The following PCDHGB2 variants were observed in gnomAD, a reference collection of about 807,000 sequenced individuals.
PCDHGB2 encodes the protein protocadherin gamma subfamily B, 2.
In PCDHGB2, 55 loss-of-function variants were observed where a neutral mutation model predicts 59.3. That is an observed-to-expected ratio of 0.93 (90% CI 0.75 to 1.16). The LOEUF is 1.16. Ranked by LOEUF, PCDHGB2 falls within the 50% of genes most tolerant of loss-of-function variation. PCDHGB2 has a pLI of 0.00. For missense variants in PCDHGB2, 1,228 were observed against 1,198.5 expected (o/e 1.02, Z -0.36); for synonymous variants, 516 against 512.0 (o/e 1.01, Z -0.11).
At chr5:141,424,700 T>C (rs1359856009) in intron 1 of PCDHGB2, 3 of 152,228 alleles carry the variant, frequency 2.0e-5, no homozygotes, top group African/African-American at 7.2e-5. Context: ...TATTTTTTTG[T>C]TCATTTTCAG....
chr5:141,490,726 AATCAGG>A lies in PCDHGB2; in HGVS notation c.2422-4080_2422-4075del. The A allele has an allele frequency of 6.2e-7, 1 of 1,614,202 alleles. No homozygotes were observed. The highest frequency in any genetic ancestry group is 8.5e-7 in the Non-Finnish European group (1 of 1,180,032). On this transcript the variant is annotated intron_variant, in intron 1 of 3. Transcript: ENST00000522605. This position sits in a 1 kb window ranked among gnomAD's most constrained non-coding sequence, Gnocchi z 5.4. Reference sequence around the variant, plus strand: ...CCGCCTCACCTACTCCATTGTAGGAAATCAGGTTCAGGGAGCCCCAGCCTCCTCCTT... The same window carrying A: ...CCGCCTCACCTACTCCATTGTAGGAATTCAGGGAGCCCCAGCCTCCTCCTT...
chr5:141,383,551 G>A lies in PCDHGB2; in HGVS notation c.2421+20995G>A, dbSNP rs772901140. 8 of 1,612,382 alleles carry A rather than the reference G, an allele frequency of 5.0e-6. No individual in the cohort carries two copies. Among genetic ancestry groups the A allele is most frequent in the Admixed American group, 3.3e-5 (2 of 59,816 alleles). On this transcript the variant is annotated intron_variant, in intron 1 of 3. Transcript: ENST00000522605. ...CCTGGTCCTCACAGCCTCTGATGGC[G>A]GCGACCCGCCCCGATCCAGCACCGC...
In PCDHGB2 at chr5:141,512,843, T is replaced by G. The variant is rs2099884463; in HGVS notation, c.*1670T>G. ...CCCTCCCCCGTACTGACTTCTCCTATAAGCGCTTCTCTTCGCATAGTCACG... is the reference window on the plus strand; with the variant it reads ...CCCTCCCCCGTACTGACTTCTCCTAGAAGCGCTTCTCTTCGCATAGTCACG... On this transcript the variant is annotated 3_prime_UTR_variant, in exon 4 of 4. Coordinates refer to ENST00000522605, the MANE Select transcript of PCDHGB2 (RefSeq NM_018923.3). 6.6e-6 allele frequency: 1 copy of G among 152,290 alleles called. No individual in the cohort carries two copies. The highest frequency in any genetic ancestry group is 1.5e-5 in the Non-Finnish European group (1 of 68,088). 9.4% of individuals were successfully genotyped at this position (152,290 alleles called of 1,614,324 possible).
At chr5:141,381,949 C>T (rs897929706) in intron 1 of PCDHGB2, among the ~76,000 whole-genome samples, 2 of 150,880 alleles carry the variant, frequency 1.3e-5, no homozygotes, top group Non-Finnish European at 2.9e-5. Context: ...CCTGCCTCAG[C>T]CTCCTGAGTA....
At chr5:141,396,955 C>T (rs1476582665) in intron 1 of PCDHGB2, among the ~76,000 whole-genome samples, 2 of 152,156 alleles carry the variant, frequency 1.3e-5, no homozygotes, top group Non-Finnish European at 2.9e-5. Context: ...AAAGAAAATC[C>T]TTACTCTCCC....
At chr5:141,409,756 C>T in intron 1 of PCDHGB2, 1 of 1,612,994 alleles carries the variant, frequency 6.2e-7, no homozygotes, top group Non-Finnish European at 8.5e-7. Flanking sequence ...TCGCGCAGCG[C>T]GCCTTTGATC....
intron 1 of PCDHGB2, among the ~76,000 whole-genome samples, chr5:141,380,915 G>A (rs1452983675): frequency 6.6e-6 from 1 of 152,180 alleles, no homozygotes. Context: ...TGCTTACATT[G>A]TTTAATAATC....
At chr5:141,452,411 A>G (rs965622061) in intron 1 of PCDHGB2, among the ~76,000 whole-genome samples, 8 of 152,200 alleles carry the variant, frequency 5.3e-5, no homozygotes, top group African/African-American at 1.9e-4. Context: ...GGTGTGAGGT[A>G]TGCTCACTGC....
intron 1 of PCDHGB2, chr5:141,423,074 G>T (rs2096705802): frequency 6.2e-7 from 1 of 1,614,006 alleles, no homozygotes; most frequent in African/African-American, 1.3e-5. Flanking sequence ...AGCGAGCCGG[G>T]ACTCTTCGCG....
Position 141,366,878 on chromosome 5 carries a change from AT to A in PCDHGB2, c.2421+4330del, listed in dbSNP as rs994289295. On this transcript the variant is annotated intron_variant, in intron 1 of 3. Coordinates refer to ENST00000522605, the MANE Select transcript of PCDHGB2 (RefSeq NM_018923.3). ...ACATTATTTGCTGTATTGGAGATTA[AT>A]TTTTTTTATATAATTCATGCTTTCT... 7.2e-5 allele frequency: 96 copies of A among 1,341,212 alleles called. No homozygotes were observed. In the Middle Eastern group the frequency reaches 7.6e-4, roughly 11 times the overall value. 83.1% of individuals were successfully genotyped at this position (1,341,212 alleles called of 1,614,324 possible).
At chr5:141,368,030 G>A (rs1323866640) in intron 1 of PCDHGB2, among the ~76,000 whole-genome samples, 1 of 152,122 alleles carries the variant, frequency 6.6e-6, no homozygotes. Context: ...TCAAATTCCA[G>A]GAGGATGTGT....
chr5:141,365,828 C>T (rs768625295), intron 1 of PCDHGB2: 1 of 1,613,974 alleles, frequency 6.2e-7, no homozygotes, highest in Non-Finnish European at 8.5e-7. Context: ...TCAGGGGGCG[C>T]CCTTGTCCTC....
chr5:141,434,795 T>C (rs1027924206), intron 1 of PCDHGB2, among the ~76,000 whole-genome samples: 2 of 152,004 alleles, frequency 1.3e-5, no homozygotes, highest in African/African-American at 2.4e-5. Context: ...TTTTTTTTTC[T>C]GAGCTTGGAG....
intron 1 of PCDHGB2, among the ~76,000 whole-genome samples, chr5:141,472,264 G>A (rs925973401): frequency 1.3e-4 from 20 of 152,068 alleles, no homozygotes; most frequent in African/African-American, 3.6e-4. Context: ...TATTATAGCC[G>A]GGCACAGTGG....
intron 1 of PCDHGB2, chr5:141,399,279 C>G (rs370090713): frequency 1.2e-6 from 2 of 1,613,694 alleles, no homozygotes; most frequent in Non-Finnish European, 1.7e-6. Flanking sequence ...AATTACAAGG[C>G]GAAGTCCCTT....
chr5:141,385,582 G>C, intron 1 of PCDHGB2: 1 of 1,273,856 alleles, frequency 7.9e-7, no homozygotes, highest in Non-Finnish European at 9.9e-7. Context: ...TCCAATCTAT[G>C]TTCCAACCTA....
rs2097461148 is a variant in PCDHGB2 at position 141,432,174 on chromosome 5, T to C, written c.2422-62633T>C. ...AACAATCCCAGAGGAGTTTCCCTCGTCTCTGTGACCGCCCACGACCCCGAC... is the reference window on the plus strand; with the variant it reads ...AACAATCCCAGAGGAGTTTCCCTCGCCTCTGTGACCGCCCACGACCCCGAC... On this transcript the variant is annotated intron_variant, in intron 1 of 3. Transcript: ENST00000522605. The surrounding 1 kb of genome is among the most constrained non-coding windows in gnomAD (Gnocchi z 6.0). 1 of 1,614,088 alleles carries C rather than the reference T, an allele frequency of 6.2e-7. No homozygotes were observed. Among genetic ancestry groups the C allele is most frequent in the Non-Finnish European group, 8.5e-7 (1 of 1,180,022 alleles).
chr5:141,494,510 C>T (rs1462702765), intron 1 of PCDHGB2, among the ~76,000 whole-genome samples: 1 of 152,156 alleles, frequency 6.6e-6, no homozygotes, highest in Non-Finnish European at 1.5e-5. Context: ...TGAATTTTGG[C>T]TCAGGAGTTC....
At chr5:141,484,071 T>C (rs1405337642) in intron 1 of PCDHGB2, among the ~76,000 whole-genome samples, 1 of 152,144 alleles carries the variant, frequency 6.6e-6, no homozygotes, top group Non-Finnish European at 1.5e-5. Flanking sequence ...GTGAAAAGCT[T>C]GCTCTTTTGA....
Sources: allele counts gnomAD v4.1 joint callset (sites outside exome capture counted in the v4.1 genomes callset), GRCh38; gene constraint gnomAD v4.1.1; non-coding constraint Gnocchi (gnomAD v3.1); transcripts MANE v1.5; gene names NCBI Gene and HGNC (gene_info 2026-07-23, HGNC 2026-07-21).